The following DCDC1 variants were observed in gnomAD, a reference collection of about 807,000 sequenced individuals.
DCDC1 encodes the protein doublecortin domain containing 1.
Under a neutral mutation model 178.3 loss-of-function variants are expected in DCDC1, and 200 were observed. That is an observed-to-expected ratio of 1.12 (90% CI 1.00 to 1.26). The LOEUF (loss-of-function observed/expected upper bound fraction) is 1.26. DCDC1 is among the 50% of genes most tolerant of loss of function. DCDC1 has a pLI of 0.00. For missense variants in DCDC1, 1,983 were observed against 1,749.2 expected, an observed-to-expected ratio of 1.13 and a Z score of -2.38; for synonymous variants, 690 against 604.8, an observed-to-expected ratio of 1.14 and a Z score of -2.07.
At chr11:31,062,767 T>C (rs964895049) in intron 20 of DCDC1, among the ~76,000 whole-genome samples, 14 of 151,932 alleles carry the variant, frequency 9.2e-5, no homozygotes, top group African/African-American at 3.4e-4. Flanking sequence ...TAATATAAAA[T>C]AGCTTTTTTT....
At chr11:31,224,509 G>T (rs1450720467) in intron 9 of DCDC1, among the ~76,000 whole-genome samples, 1 of 151,796 alleles carries the variant, frequency 6.6e-6, no homozygotes, top group Non-Finnish European at 1.5e-5. Flanking sequence ...AAATAAATAG[G>T]ATCTAATTAA....
At chr11:31,087,329 G>A (rs1957540727) in intron 17 of DCDC1, among the ~76,000 whole-genome samples, 1 of 150,676 alleles carries the variant, frequency 6.6e-6, no homozygotes, top group African/African-American at 2.4e-5. Context: ...TAATTTCATT[G>A]GTTTTCTTTT....
chr11:31,258,641 A>G (rs1944574714), intron 8 of DCDC1, among the ~76,000 whole-genome samples: 1 of 152,224 alleles, frequency 6.6e-6, no homozygotes. Flanking sequence ...AAATGGCAGC[A>G]GTGTTCGTCC....
intron 6 of DCDC1, among the ~76,000 whole-genome samples, chr11:31,293,375 C>A (rs1422499031): frequency 1.3e-5 from 2 of 152,214 alleles, no homozygotes; most frequent in East Asian, 3.9e-4. Flanking sequence ...AAACCACTCC[C>A]ACTAAGGCCA....
At position 31,026,426 on chromosome 11, in the gene DCDC1, C is replaced by T. The variant is rs561877064; in HGVS notation, c.2591+38043G>A. Among the ~76,000 whole-genome samples the T allele has an allele frequency of 1.1e-4, 17 of 151,830 alleles. No homozygotes were observed. In the East Asian group the frequency reaches 2.5e-3, roughly 22 times the overall value. On this transcript the variant is annotated intron_variant, in intron 20 of 38. Transcript: ENST00000684477. ...GGAATAGTAAACTTACGATATTGTG[C>T]GGCTTTTCAAGTTTATGTGACTATG...
Position 31,142,767 on chromosome 11 carries a change from T to C in DCDC1, c.1222-4983A>G, listed in dbSNP as rs932310021. 2.0e-5 allele frequency among the ~76,000 whole-genome samples: 3 copies of C among 152,148 alleles called. 1 individual carries two copies. In the South Asian group the frequency reaches 6.2e-4, roughly 31 times the overall value. On this transcript the variant is annotated intron_variant, in intron 9 of 38. Transcript: ENST00000684477. ...ACCTACTATTAATTCAGAATCAGAC[T>C]AAGGACTATGAAGAAGCACAAGATC... is the stretch of plus-strand genomic sequence containing the variant.
chr11:31,069,097 C>T (rs537781231), intron 18 of DCDC1, among the ~76,000 whole-genome samples: 2 of 152,126 alleles, frequency 1.3e-5, no homozygotes, highest in South Asian at 2.1e-4. Flanking sequence ...GTGATCTGCC[C>T]ACCTCGGCCT....
At chr11:31,170,301 C>T (rs971893675) in intron 9 of DCDC1, among the ~76,000 whole-genome samples, 23 of 151,844 alleles carry the variant, frequency 1.5e-4, no homozygotes, top group African/African-American at 5.3e-4. Flanking sequence ...GTCAGTAGAC[C>T]GAAAAAAAGT....
intron 9 of DCDC1, among the ~76,000 whole-genome samples, chr11:31,190,531 A>G (rs1970015992): frequency 6.6e-6 from 1 of 152,252 alleles, no homozygotes; most frequent in Non-Finnish European, 1.5e-5. Flanking sequence ...GTAATTGCAA[A>G]CACTGCTATA....
At chr11:30,899,852 C>A (rs933137665) in intron 33 of DCDC1, among the ~76,000 whole-genome samples, 1 of 152,006 alleles carries the variant, frequency 6.6e-6, no homozygotes, top group Admixed American at 6.6e-5. Context: ...AAGAACGATG[C>A]TGTTTTATTA....
At chr11:31,050,072 T>A (rs1186175398) in intron 20 of DCDC1, among the ~76,000 whole-genome samples, 2 of 152,150 alleles carry the variant, frequency 1.3e-5, no homozygotes, top group South Asian at 2.1e-4. Flanking sequence ...CTAAAGCCCT[T>A]TTCTGTCACA....
intron 38 of DCDC1, among the ~76,000 whole-genome samples, chr11:30,870,409 C>T (rs1014098197): frequency 3.3e-5 from 5 of 152,108 alleles, no homozygotes; most frequent in Admixed American, 2.0e-4. Flanking sequence ...CACTGTCACA[C>T]CCAGTGAACA....
At chr11:31,080,446 C>A (rs954558820) in intron 17 of DCDC1, among the ~76,000 whole-genome samples, 1 of 152,050 alleles carries the variant, frequency 6.6e-6, no homozygotes, top group Non-Finnish European at 1.5e-5. Context: ...AAAATGGAGT[C>A]AACATCTTAG....
At chr11:31,254,559 T>C (rs1944287466) in intron 8 of DCDC1, among the ~76,000 whole-genome samples, 4 of 152,214 alleles carry the variant, frequency 2.6e-5, no homozygotes, top group South Asian at 2.1e-4. Flanking sequence ...TTGGTACATA[T>C]TGCCACAGTA....
chr11:30,968,395 C>T (rs1290088329), intron 20 of DCDC1, among the ~76,000 whole-genome samples: 1 of 151,916 alleles, frequency 6.6e-6, no homozygotes, highest in African/African-American at 2.4e-5. Context: ...TTGCTTTCTT[C>T]AGTTTCAGAA....
At chr11:31,361,357 A>G (rs1357553068) in intron 1 of DCDC1, among the ~76,000 whole-genome samples, 1 of 152,258 alleles carries the variant, frequency 6.6e-6, no homozygotes, top group Non-Finnish European at 1.5e-5. Flanking sequence ...GACTGAATGA[A>G]GACACAGCCT....
At chr11:31,324,668 G>A (rs1285746885) in intron 3 of DCDC1, among the ~76,000 whole-genome samples, 1 of 152,044 alleles carries the variant, frequency 6.6e-6, no homozygotes, top group Non-Finnish European at 1.5e-5. Context: ...ATTCCACGGT[G>A]GGAATCGACA....
At chr11:31,140,784 A>T (rs375242140) in intron 9 of DCDC1, among the ~76,000 whole-genome samples, 1 of 152,208 alleles carries the variant, frequency 6.6e-6, no homozygotes, top group African/African-American at 2.4e-5. Flanking sequence ...ACAAAGGTGT[A>T]CCTGAAGTAA....
chr11:30,945,759 T>A (rs1947997236), intron 21 of DCDC1, among the ~76,000 whole-genome samples: 1 of 151,702 alleles, frequency 6.6e-6, no homozygotes, highest in Admixed American at 6.6e-5. Flanking sequence ...TGTCTGTCTG[T>A]CTATCTATCT....
Sources: gnomAD v4.1 joint callset for allele counts (sites outside exome capture counted in the v4.1 genomes callset) on GRCh38, gnomAD v4.1.1 for gene constraint, MANE v1.5 for transcripts, NCBI Gene and HGNC (gene_info 2026-07-23, HGNC 2026-07-21) for gene names.